CLCN6: variants seen among roughly 807,000 people sequenced by gnomAD.
CLCN6 encodes Cl-/H+ antiporter 6, also known as H(+)/Cl(-) exchange transporter 6.
Under a neutral mutation model 109.8 loss-of-function variants are expected in CLCN6, and 70 were observed. That is an observed-to-expected ratio of 0.64 (90% CI 0.53 to 0.78). The LOEUF is 0.78. Among genes scored for constraint, CLCN6 ranks in the 30% least tolerant of loss-of-function variants. The probability of loss-of-function intolerance (pLI) is 0.00; values close to 1 mark genes in which losing one functional copy is unlikely to be tolerated. For missense variants in CLCN6, 984 were observed against 1,142.3 expected, an observed-to-expected ratio of 0.86 and a Z score of 2.00; for synonymous variants, 444 against 447.8, an observed-to-expected ratio of 0.99 and a Z score of 0.11.
intron 4 of CLCN6, among the ~76,000 whole-genome samples, chr1:11,817,647 G>A (rs149233512): frequency 4.6e-4 from 70 of 152,274 alleles, no homozygotes; most frequent in African/African-American, 1.5e-3. Context: ...ATCTGATTCC[G>A]GTCAGTACAG....
intron 13 of CLCN6, among the ~76,000 whole-genome samples, chr1:11,830,723 G>C (rs545114451): frequency 7.4e-6 from 1 of 135,282 alleles, no homozygotes; most frequent in South Asian, 2.2e-4. Flanking sequence ...AGTGTCCCCA[G>C]TTATATGTAT....
rs555470595 is a variant in CLCN6 at position 11,827,170 on chromosome 1, C to T, written c.789C>T (p.Phe263=). The T allele has an allele frequency of 8.0e-5, 129 of 1,613,890 alleles. 1 individual carries two copies. The South Asian group carries it at 1.4e-3, about 17-fold the overall frequency. Reference sequence around the variant, plus strand: ...GGGCGCCAATCGGGGGTACCTTGTTCAGTCTAGAGGAGGGTTCGTCCTTCT... The same window carrying T: ...GGGCGCCAATCGGGGGTACCTTGTTTAGTCTAGAGGAGGGTTCGTCCTTCT... ...AFGAPIGGTL[F]SLEEGSSFWN... Residue 263 remains phenylalanine, a synonymous_variant, in exon 10 of 23, where the codon TTC becomes TTT. Transcript: ENST00000346436.
At chr1:11,824,788 G>A (rs1644791334) in intron 8 of CLCN6, among the ~76,000 whole-genome samples, 1 of 152,190 alleles carries the variant, frequency 6.6e-6, no homozygotes, top group African/African-American at 2.4e-5. Context: ...AAACTGTGAC[G>A]TGGCGGATGA....
chr1:11,816,664 G>C lies in CLCN6; in HGVS notation c.263G>C (p.Gly88Ala). The C allele has an allele frequency of 6.2e-7, 1 of 1,612,992 alleles. No homozygotes were observed. Among genetic ancestry groups the C allele is most frequent in the Non-Finnish European group, 8.5e-7 (1 of 1,179,522 alleles). ...AAGTGGATGGTGGTGTTTGCCATTG[G>C]AGTCTGCACTGGCCTGGTGAGGAGG... is the stretch of plus-strand genomic sequence containing the variant. The part of the protein sequence containing the change: ...AVKWMVVFAI[G>A]VCTGLVGLFV... The change falls in exon 4 of 23, where the codon GGA becomes GCA. Residue 88 changes from glycine (G) to alanine (A), a missense_variant. Transcript: ENST00000346436.
chr1:11,824,651 G>A (rs1377727320), intron 8 of CLCN6, 98 bp downstream of exon 8: 3 of 882,098 alleles, frequency 3.4e-6, no homozygotes, highest in Admixed American at 2.6e-5. Context: ...CATCACATTG[G>A]AACCTGGTGC....
Position 11,835,975 on chromosome 1 carries a change from C to A in CLCN6, c.1802C>A (p.Ala601Asp). 1 of 1,612,980 alleles carries A rather than the reference C, an allele frequency of 6.2e-7. No homozygotes were observed. The highest frequency in any genetic ancestry group is 8.5e-7 in the Non-Finnish European group (1 of 1,179,574). ...ETEVEMDKLR[A>D]SDIMEPNLTY... ...TTGCCCTCCTCCCCCAGGCTGAGAG[C>A]CAGCGACATCATGGAGCCCAACCTG... Residue 601 changes from alanine (A) to aspartate (D), a missense_variant, in exon 18 of 23, where the codon GCC (alanine) becomes GAC (aspartate). Coordinates refer to ENST00000346436, the MANE Select transcript of CLCN6 (RefSeq NM_001286.5).
Position 11,835,962 on chromosome 1 carries a change from C to G in CLCN6, c.1794-5C>G, listed in dbSNP as rs770293971. On this transcript the variant is annotated splice_region_variant and splice_polypyrimidine_tract_variant and intron_variant, in intron 17 of 22. Transcript: ENST00000346436. ...GAGGCTGGATGACTTGCCCTCCTCC[C>G]CCAGGCTGAGAGCCAGCGACATCAT... 1 of 1,611,858 alleles carries G rather than the reference C, an allele frequency of 6.2e-7. No homozygotes were observed. The highest frequency in any genetic ancestry group is 1.7e-5 in the Admixed American group (1 of 59,690).
chr1:11,826,712 C>T (rs181153285), intron 9 of CLCN6, among the ~76,000 whole-genome samples: 1 of 152,298 alleles, frequency 6.6e-6, no homozygotes, highest in African/African-American at 2.4e-5. Flanking sequence ...CAGAAGGCAC[C>T]TTGATGTTTT....
chr1:11,830,215 A>G (rs1413238283), intron 13 of CLCN6: 1 of 151,960 alleles, frequency 6.6e-6, no homozygotes, highest in African/African-American at 2.4e-5. Context: ...TGAGAGCTAC[A>G]CCTGTGGTTC....
intron 1 of CLCN6, chr1:11,806,803 A>T: frequency 2.6e-6 from 1 of 382,960 alleles, no homozygotes; most frequent in East Asian, 4.7e-5. Flanking sequence ...AGAGTTGACA[A>T]GTCCTTTCTG....
chr1:11,815,652 C>T (rs111650969), intron 2 of CLCN6, among the ~76,000 whole-genome samples, 194 bp from the exon 3 acceptor site: 1 of 152,220 alleles, frequency 6.6e-6, no homozygotes, highest in Non-Finnish European at 1.5e-5. Flanking sequence ...GCCTTGACCT[C>T]CCAAAGTGCT....
Position 11,806,573 on chromosome 1 carries a change from T to A in CLCN6, c.87+224T>A, listed in dbSNP as rs924998537. The A allele has an allele frequency of 1.2e-4, 55 of 464,644 alleles. No individual in the cohort carries two copies. The East Asian group carries it at 1.9e-3, about 16-fold the overall frequency. The allele number at this position is 464,644 out of a possible 1,614,324, so 28.8% of individuals were successfully genotyped here. A position where few individuals can be genotyped will look rare whatever the true frequency, so the allele number is the denominator to read the frequency against. On this transcript the variant is annotated intron_variant, in intron 1 of 22. Transcript: ENST00000346436. ...AATCTGAGGGAGAATCCAGGCCAGC[T>A]CCAGTAAATCCCACCCATGTTTCCT... is the stretch of plus-strand genomic sequence containing the variant.
chr1:11,826,668 T>A (rs1239715044), intron 9 of CLCN6, among the ~76,000 whole-genome samples: 2 of 152,200 alleles, frequency 1.3e-5, no homozygotes, highest in African/African-American at 4.8e-5. Context: ...ACGGACCACC[T>A]TCTTTTTGTA....
At chr1:11,813,670 C>T (rs1411260032) in intron 2 of CLCN6, among the ~76,000 whole-genome samples, 4 of 152,136 alleles carry the variant, frequency 2.6e-5, no homozygotes, top group African/African-American at 4.8e-5. Context: ...GAATTACAGA[C>T]GTGAGCCATC....
In CLCN6 at chr1:11,837,144, T is replaced by C; in HGVS notation, c.2126T>C (p.Met709Thr). Residue 709 changes from methionine to threonine, a missense_variant, in exon 19 of 23, where the codon ATG becomes ACG. By Grantham distance (81) the Met-to-Thr change is moderately conservative (BLOSUM62 -1). Transcript: ENST00000346436. ...PAEKEDLLQQ[M>T]LERRYTPYPN... is the part of the protein sequence containing the mutation. ...GAGAAGGAGGACCTCCTGCAGCAGA[T>C]GCTGGAAAGGAGGTGAGAGCCTGGC... 4 of 1,612,658 alleles carry C rather than the reference T, an allele frequency of 2.5e-6. No individual in the cohort carries two copies. The highest frequency in any genetic ancestry group is 3.4e-6 in the Non-Finnish European group (4 of 1,179,914).
chr1:11,822,940 G>T (rs1239936340), intron 6 of CLCN6, 139 bp downstream of exon 6: 1 of 630,058 alleles, frequency 1.6e-6, no homozygotes, highest in East Asian at 2.8e-5. Flanking sequence ...TAAAGGTAAA[G>T]GTTTCACCTC....
chr1:11,834,377 C>CA lies in CLCN6; in HGVS notation c.1669dup (p.Ile557AsnfsTer17). 6.2e-7 allele frequency: 1 copy of CA among 1,614,020 alleles called. No individual in the cohort carries two copies. The highest frequency in any genetic ancestry group is 1.1e-5 in the South Asian group (1 of 91,060). ...CCAATGAGATCACCTACGGGCTCCC[C>CA]ATCATGGTCACACTGATGGTGAGCA... On this transcript the variant is annotated frameshift_variant, in exon 16 of 23. Coordinates refer to ENST00000346436, the MANE Select transcript of CLCN6 (RefSeq NM_001286.5). LOFTEE classifies it high-confidence loss of function. The surrounding 1 kb of genome is among the most constrained non-coding windows in gnomAD (Gnocchi z 4.5).
intron 2 of CLCN6, among the ~76,000 whole-genome samples, chr1:11,812,340 A>G (rs1644609669): frequency 6.6e-6 from 1 of 152,214 alleles, no homozygotes; most frequent in South Asian, 2.1e-4. Flanking sequence ...CGGAGCTTTC[A>G]TGCCCTCTCC....
intron 7 of CLCN6, among the ~76,000 whole-genome samples, chr1:11,824,250 G>A (rs940575007): frequency 6.6e-6 from 1 of 152,214 alleles, no homozygotes; most frequent in African/African-American, 2.4e-5. Flanking sequence ...GGAGGGAGCT[G>A]GTGGTCTGGG....
Sources: gnomAD v4.1 joint callset for allele counts (sites outside exome capture counted in the v4.1 genomes callset) on GRCh38, gnomAD v4.1.1 for gene constraint, Gnocchi (gnomAD v3.1) non-coding constraint, MANE v1.5 for transcripts, NCBI Gene and HGNC (gene_info 2026-07-23, HGNC 2026-07-21) for gene names.